PLD1: variants seen among roughly 807,000 people sequenced by gnomAD.
The protein encoded by PLD1 is choline phosphatase 1.
Under a neutral mutation model 137.1 loss-of-function variants are expected in PLD1, and 112 were observed. That is an observed-to-expected ratio of 0.82 (90% CI 0.70 to 0.96). The LOEUF is 0.96. PLD1 is among the 40% of genes least tolerant of loss of function. The probability of loss-of-function intolerance (pLI) is 0.00; values close to 1 mark genes in which losing one functional copy is unlikely to be tolerated. For missense variants in PLD1, 1,321 were observed against 1,342.0 expected, an observed-to-expected ratio of 0.98 and a Z score of 0.24; for synonymous variants, 431 against 454.7, an observed-to-expected ratio of 0.95 and a Z score of 0.66.
At chr3:171,641,979 T>C (rs564723593) in intron 23 of PLD1, among the ~76,000 whole-genome samples, 46 of 152,248 alleles carry the variant, frequency 3.0e-4, no homozygotes, top group Non-Finnish European at 2.8e-4. Flanking sequence ...ACAACTTGGG[T>C]TCTGATTCCA....
chr3:171,664,006 C>T (rs1435512137), intron 19 of PLD1, among the ~76,000 whole-genome samples: 1 of 152,166 alleles, frequency 6.6e-6, no homozygotes, highest in Non-Finnish European at 1.5e-5. Flanking sequence ...AAATCGCTGA[C>T]TGTGCCATCC....
chr3:171,695,226 GA>G (rs374925743), intron 12 of PLD1, among the ~76,000 whole-genome samples: 2 of 150,200 alleles, frequency 1.3e-5, no homozygotes, highest in East Asian at 1.9e-4. Context: ...AAAGCCAAAG[GA>G]AAAAAAAACC....
intron 1 of PLD1, among the ~76,000 whole-genome samples, chr3:171,751,935 G>A (rs930349604): frequency 5.9e-5 from 9 of 151,904 alleles, no homozygotes; most frequent in Non-Finnish European, 1.3e-4. Flanking sequence ...CCTGGGAGGT[G>A]GAGCTTGCAG....
chr3:171,650,176 T>C (rs1736604686), intron 21 of PLD1, among the ~76,000 whole-genome samples: 1 of 151,248 alleles, frequency 6.6e-6, no homozygotes, highest in Non-Finnish European at 1.5e-5. Context: ...GAGGCAGGAG[T>C]GTAGAGAAAT....
intron 23 of PLD1, among the ~76,000 whole-genome samples, chr3:171,632,384 C>G (rs562122353): frequency 6.6e-6 from 1 of 152,166 alleles, no homozygotes; most frequent in Admixed American, 6.5e-5. Context: ...CTTTTTTCCT[C>G]TTTTGCTATG....
At chr3:171,746,049 G>A (rs140893559) in intron 1 of PLD1, among the ~76,000 whole-genome samples, 1,659 of 152,294 alleles carry the variant, frequency 0.011, 35 homozygotes, top group African/African-American at 0.038. Flanking sequence ...CGGAGGGTAC[G>A]CCGGGTCCCC....
intron 24 of PLD1, among the ~76,000 whole-genome samples, chr3:171,619,074 T>G (rs1733367475): frequency 6.6e-6 from 1 of 152,194 alleles, no homozygotes; most frequent in Admixed American, 6.5e-5. Context: ...GTTTCTTGAA[T>G]AATAGGAAAG....
intron 1 of PLD1, among the ~76,000 whole-genome samples, chr3:171,747,915 T>C (rs1720360209): frequency 6.7e-6 from 1 of 148,916 alleles, no homozygotes; most frequent in South Asian, 2.1e-4. Flanking sequence ...GGTGCTCAAC[T>C]TCCTCACCTA....
intron 1 of PLD1, among the ~76,000 whole-genome samples, chr3:171,799,394 A>G (rs1167326269): frequency 1.3e-5 from 2 of 151,446 alleles, no homozygotes; most frequent in African/African-American, 4.8e-5. Context: ...ACTTGCCTGC[A>G]ACTAAAACTA....
chr3:171,680,553 C>A (rs1490113773), intron 16 of PLD1, among the ~76,000 whole-genome samples: 1 of 152,104 alleles, frequency 6.6e-6, no homozygotes, highest in Non-Finnish European at 1.5e-5. Flanking sequence ...TTTTTCTATA[C>A]AATTTCTAAA....
At chr3:171,630,254 C>T (rs1188067591) in intron 23 of PLD1, among the ~76,000 whole-genome samples, 10 of 151,358 alleles carry the variant, frequency 6.6e-5, no homozygotes, top group African/African-American at 2.2e-4. Context: ...CCAAAAAACA[C>T]ATGAAAAAAT....
At chr3:171,628,331 C>T (rs1354863732) in intron 23 of PLD1, among the ~76,000 whole-genome samples, 2 of 152,242 alleles carry the variant, frequency 1.3e-5, no homozygotes, top group East Asian at 1.9e-4. Flanking sequence ...AATCTCTGAA[C>T]AGACCAATAA....
At chr3:171,740,082 C>T (rs1719668432) in intron 1 of PLD1, among the ~76,000 whole-genome samples, 1 of 152,166 alleles carries the variant, frequency 6.6e-6, no homozygotes, top group African/African-American at 2.4e-5. Context: ...GCCATTTCAT[C>T]TCTAGAGTTC....
At chr3:171,775,930 C>T (rs1038774551) in intron 1 of PLD1, among the ~76,000 whole-genome samples, 2 of 151,978 alleles carry the variant, frequency 1.3e-5, no homozygotes, top group Non-Finnish European at 2.9e-5. Context: ...AATAGCTCTG[C>T]GAAAAGGGGG....
At chr3:171,703,194 G>A (rs1009250172) in intron 11 of PLD1, among the ~76,000 whole-genome samples, 30 of 152,168 alleles carry the variant, frequency 2.0e-4, no homozygotes, top group Admixed American at 9.2e-4. Flanking sequence ...AAAAACTTCC[G>A]TAGTGTAATA....
At chr3:171,690,465 T>C (rs145196700) in intron 13 of PLD1, among the ~76,000 whole-genome samples, 1 of 152,294 alleles carries the variant, frequency 6.6e-6, no homozygotes, top group Non-Finnish European at 1.5e-5. Flanking sequence ...TTGAGATCTT[T>C]CTTCTTCTTG....
chr3:171,634,969 A>G lies in PLD1; in HGVS notation c.2593+7871T>C, dbSNP rs147523952. 5.2e-3 allele frequency among the ~76,000 whole-genome samples: 787 copies of G among 152,178 alleles called. 4 individuals are homozygous for G. Among genetic ancestry groups the G allele is most frequent in the Non-Finnish European group, 9.4e-3 (637 of 67,958 alleles). ...TCCTCTACACCCTATTATTCTACCA[A>G]CTGGCTCTATGGATTTGCCTATTGA... is the stretch of plus-strand genomic sequence containing the variant. On this transcript the variant is annotated intron_variant, in intron 23 of 26. Transcript: ENST00000351298.
chr3:171,637,236 C>CTTTCT (rs573885840), intron 23 of PLD1, among the ~76,000 whole-genome samples: 1 of 151,990 alleles, frequency 6.6e-6, no homozygotes, highest in Non-Finnish European at 1.5e-5. Context: ...TGATCTGTGG[C>CTTTCT]TTTCTTTTCT....
chr3:171,802,826 A>G (rs1723699022), intron 1 of PLD1, among the ~76,000 whole-genome samples: 1 of 152,200 alleles, frequency 6.6e-6, no homozygotes, highest in Non-Finnish European at 1.5e-5. Flanking sequence ...GAGTTCAAAC[A>G]TAAAAATCGA....
Sources: gnomAD v4.1 joint callset for allele counts (sites outside exome capture counted in the v4.1 genomes callset) on GRCh38, gnomAD v4.1.1 for gene constraint, MANE v1.5 for transcripts, NCBI Gene and HGNC (gene_info 2026-07-23, HGNC 2026-07-21) for gene names.